The following VSTM4 variants were observed in gnomAD, a reference collection of about 807,000 sequenced individuals.
The protein encoded by VSTM4 is V-set and transmembrane domain containing 4, also known as V-set and transmembrane domain-containing protein 4.
A neutral mutation model predicts 36.4 loss-of-function variants in VSTM4; 20 were observed. The ratio of observed to expected loss-of-function variants is 0.55; its 90% confidence interval spans 0.39 to 0.80. The LOEUF (loss-of-function observed/expected upper bound fraction) is 0.80. Ranked by LOEUF, VSTM4 falls within the 30% of genes least tolerant of loss-of-function variation. The pLI, the probability that VSTM4 is intolerant of heterozygous loss-of-function variation, is 0.00. For synonymous variants in VSTM4, 182 were observed against 173.9 expected (o/e 1.05, Z -0.37); for missense variants, 392 against 404.5 (o/e 0.97, Z 0.26).
rs1843109365 is a variant in VSTM4, at chr10:49,016,678, A to G, written c.*2972T>C. On this transcript the variant is annotated 3_prime_UTR_variant, in exon 8 of 8. Transcript: ENST00000332853. Reference sequence around the variant, plus strand: ...AATGCCCCATGTTGTCTTCACTCTCACAAGAGTCAAGAGGTGGGAGGCCTG... The same window carrying G: ...AATGCCCCATGTTGTCTTCACTCTCGCAAGAGTCAAGAGGTGGGAGGCCTG... 1 of 152,230 alleles carries G rather than the reference A, an allele frequency of 6.6e-6. No individual in the cohort carries two copies. The highest frequency in any genetic ancestry group is 2.1e-4 in the South Asian group (1 of 4,830). The allele number at this position is 152,230 out of a possible 1,614,324, so 9.4% of individuals were successfully genotyped here.
rs1466789013 is a variant in VSTM4 at position 49,100,897 on chromosome 10, G to C, written c.457+6697C>G. Among the ~76,000 whole-genome samples, 3 of 152,190 alleles carry C rather than the reference G, an allele frequency of 2.0e-5. No individual in the cohort carries two copies. In the East Asian group the frequency reaches 5.8e-4, roughly 29 times the overall value. ...GTTTTCATTTAAATATAGGGATTTAGCTTATGAAAAATGTGACATGTCAAG... is the reference window on the plus strand; with the variant it reads ...GTTTTCATTTAAATATAGGGATTTACCTTATGAAAAATGTGACATGTCAAG... On this transcript the variant is annotated intron_variant, in intron 2 of 7. Transcript: ENST00000332853.
In VSTM4 at chr10:49,046,432, T is replaced by G. The variant is rs1051643895; in HGVS notation, c.837+551A>C. ...GGATCCTGCACCAGAAAAGGAACAT[T>G]AGCAGGTAGACCAAAATCTGGTTAA... On this transcript the variant is annotated intron_variant, in intron 7 of 7. Coordinates refer to ENST00000332853, the MANE Select transcript of VSTM4 (RefSeq NM_001031746.5). Among the ~76,000 whole-genome samples, 9 of 152,206 alleles carry G rather than the reference T, an allele frequency of 5.9e-5. No individual in the cohort carries two copies. The East Asian group carries it at 1.5e-3, about 26-fold the overall frequency.
intron 2 of VSTM4, among the ~76,000 whole-genome samples, chr10:49,089,456 C>G (rs1376827763): frequency 5.3e-5 from 8 of 152,180 alleles, no homozygotes; most frequent in Non-Finnish European, 7.3e-5. Flanking sequence ...CTTTCAGGGT[C>G]AGAAATTGTG....
chr10:49,048,637 GA>G, intron 5 of VSTM4, 53 bp from the exon 6 acceptor site: 1 of 1,449,330 alleles, frequency 6.9e-7, no homozygotes, highest in Non-Finnish European at 9.3e-7. Flanking sequence ...TTGCAAAAGA[GA>G]AAGGAAAAAA....
intron 3 of VSTM4, among the ~76,000 whole-genome samples, chr10:49,083,655 T>A (rs1844319091): frequency 6.6e-6 from 1 of 152,206 alleles, no homozygotes; most frequent in Non-Finnish European, 1.5e-5. Context: ...GGCTACAGAT[T>A]TCATGTAGAG....
At chr10:49,034,259 G>A (rs1454748701) in intron 7 of VSTM4, among the ~76,000 whole-genome samples, 1 of 151,310 alleles carries the variant, frequency 6.6e-6, no homozygotes. Flanking sequence ...ACCATCATCA[G>A]TACCATCATC....
intron 7 of VSTM4, among the ~76,000 whole-genome samples, chr10:49,039,842 G>C (rs1843492568): frequency 6.6e-6 from 1 of 152,226 alleles, no homozygotes; most frequent in Non-Finnish European, 1.5e-5. Flanking sequence ...CCGCATCATA[G>C]AAAAGTTCCG....
intron 3 of VSTM4, among the ~76,000 whole-genome samples, chr10:49,082,548 G>A (rs996359916): frequency 4.6e-5 from 7 of 152,130 alleles, no homozygotes; most frequent in Admixed American, 1.3e-4. Context: ...GGTGGCACAT[G>A]CCTGTAATCC....
At chr10:49,051,489 G>A (rs1199794639) in intron 5 of VSTM4, among the ~76,000 whole-genome samples, 3 of 150,398 alleles carry the variant, frequency 2.0e-5, no homozygotes, top group African/African-American at 7.3e-5. Context: ...TCCGCCTCCC[G>A]GGTTCAAGCG....
chr10:49,053,590 A>G (rs1366613635), intron 5 of VSTM4, among the ~76,000 whole-genome samples: 1 of 152,244 alleles, frequency 6.6e-6, no homozygotes, highest in Non-Finnish European at 1.5e-5. Context: ...ATGGGGTGTG[A>G]AACAGCTAAA....
At chr10:49,110,174 G>A (rs991169794) in intron 1 of VSTM4, among the ~76,000 whole-genome samples, 2 of 152,236 alleles carry the variant, frequency 1.3e-5, no homozygotes, top group Non-Finnish European at 2.9e-5. Context: ...GCAGGAAATT[G>A]AAACAAGATG....
At position 49,077,398 on chromosome 10, in the gene VSTM4, A is replaced by G. The variant is rs1374049637; in HGVS notation, c.527-72T>C. On this transcript the variant is annotated intron_variant, in intron 3 of 7. Transcript: ENST00000332853. ...GCAGAAGTGCGCTGGCAAGAGAACAATCAGAATTGGAATATTTGAAATCCC... is the reference window on the plus strand; with the variant it reads ...GCAGAAGTGCGCTGGCAAGAGAACAGTCAGAATTGGAATATTTGAAATCCC... 4 of 1,382,508 alleles carry G rather than the reference A, an allele frequency of 2.9e-6. No homozygotes were observed. In the Admixed American group the frequency reaches 5.2e-5, roughly 18 times the overall value. 85.6% of individuals were successfully genotyped at this position (1,382,508 alleles called of 1,614,324 possible).
intron 5 of VSTM4, chr10:49,064,159 T>C (rs920453368): frequency 9.8e-5 from 15 of 152,502 alleles, no homozygotes; most frequent in African/African-American, 3.6e-4. Flanking sequence ...TGGTTGTCTC[T>C]TATGTTATTT....
chr10:49,041,095 T>C (rs1843514521), intron 7 of VSTM4, among the ~76,000 whole-genome samples: 1 of 152,238 alleles, frequency 6.6e-6, no homozygotes, highest in Admixed American at 6.5e-5. Context: ...CATCAAGACC[T>C]ATTGATCTAA....
chr10:49,057,300 T>G (rs1338356902), intron 5 of VSTM4, among the ~76,000 whole-genome samples: 1 of 152,200 alleles, frequency 6.6e-6, no homozygotes, highest in Non-Finnish European at 1.5e-5. Flanking sequence ...ATGCTCTTAG[T>G]CTGAGGAAAC....
rs775439919 is a variant in VSTM4, at chr10:49,019,623, A to C, written c.*27T>G. The C allele has an allele frequency of 1.3e-6, 2 of 1,585,688 alleles. No homozygotes were observed. Among genetic ancestry groups the C allele is most frequent in the East Asian group, 4.5e-5 (2 of 44,236 alleles). On this transcript the variant is annotated 3_prime_UTR_variant, in exon 8 of 8. Transcript: ENST00000332853. ...ATAAATCACTGGGTGGCAGGTATTAAATAGAACCTTGGAGGTGGACGCTGT... is the reference window on the plus strand; with the variant it reads ...ATAAATCACTGGGTGGCAGGTATTACATAGAACCTTGGAGGTGGACGCTGT...
chr10:49,109,604 T>A (rs4073712), intron 1 of VSTM4, among the ~76,000 whole-genome samples: 4 of 151,636 alleles, frequency 2.6e-5, no homozygotes, highest in Admixed American at 2.6e-4. Context: ...TTTTGTCATA[T>A]AACGTTCCAT....
chr10:49,064,828 G>A (rs1843944542), intron 4 of VSTM4, 92 bp from the exon 5 acceptor site: 1 of 1,393,602 alleles, frequency 7.2e-7, no homozygotes. Flanking sequence ...GGAGCCAGGT[G>A]TTGTTCAGGT....
chr10:49,078,011 G>C (rs1052624277), intron 3 of VSTM4, among the ~76,000 whole-genome samples: 7 of 151,000 alleles, frequency 4.6e-5, no homozygotes, highest in Non-Finnish European at 1.0e-4. Context: ...AAAAAATACA[G>C]ACATTTCACT....
Sources: gnomAD v4.1 joint callset for allele counts (sites outside exome capture counted in the v4.1 genomes callset) on GRCh38, gnomAD v4.1.1 for gene constraint, MANE v1.5 for transcripts, NCBI Gene and HGNC (gene_info 2026-07-23, HGNC 2026-07-21) for gene names.